The following SEMA6D variants were observed in gnomAD, a reference collection of about 807,000 sequenced individuals.
SEMA6D encodes semaphorin 6D.
In SEMA6D, 35 loss-of-function variants were observed where a neutral mutation model predicts 106.6. That is an observed-to-expected ratio of 0.33 (90% confidence interval 0.25 to 0.44). SEMA6D has a LOEUF of 0.44. Among genes scored for constraint, SEMA6D ranks in the 20% least tolerant of loss-of-function variants. The probability of loss-of-function intolerance (pLI) is 1.00; values close to 1 mark genes in which losing one functional copy is unlikely to be tolerated. For synonymous variants in SEMA6D, 499 were observed against 487.7 expected, an observed-to-expected ratio of 1.02 and a Z score of -0.31; for missense variants, 1,185 against 1,345.9, an observed-to-expected ratio of 0.88 and a Z score of 1.87.
chr15:47,331,076 C>T (rs767427339), intron 1 of SEMA6D, among the ~76,000 whole-genome samples: 4 of 152,160 alleles, frequency 2.6e-5, no homozygotes, highest in African/African-American at 7.2e-5. Flanking sequence ...GATTCTGTCA[C>T]GAATCTCACT....
chr15:47,764,862 C>G, intron 12 of SEMA6D, 21 bp from the exon 13 acceptor site: 1 of 1,613,646 alleles, frequency 6.2e-7, no homozygotes, highest in Non-Finnish European at 8.5e-7. Flanking sequence ...CCCTTCTGAT[C>G]TGTGCCGCCT....
intron 3 of SEMA6D, among the ~76,000 whole-genome samples, chr15:47,512,213 A>T (rs1276413550): frequency 1.8e-4 from 27 of 152,192 alleles, no homozygotes; most frequent in Non-Finnish European, 1.5e-5. Context: ...ACAACTCTAG[A>T]GGGTGCTATT....
chr15:47,270,984 T>C (rs2034534917), intron 1 of SEMA6D, among the ~76,000 whole-genome samples: 1 of 152,104 alleles, frequency 6.6e-6, no homozygotes, highest in African/African-American at 2.4e-5. Context: ...GTTACAGACA[T>C]CTAATACCTC....
Position 47,229,580 on chromosome 15 carries a change from CTA to C in SEMA6D, c.-239+45165_-239+45166del, listed in dbSNP as rs1304803391. ...TTGTCTGCTGTCATTTGTCCAGACT[CTA>C]TACTTTATATGCATACTGTTCACTT... is the stretch of plus-strand genomic sequence containing the variant. On this transcript the variant is annotated intron_variant, in intron 1 of 19. Transcript: ENST00000558014. Among the ~76,000 whole-genome samples the C allele has an allele frequency of 6.3e-4, 94 of 150,262 alleles. 1 individual carries two copies. Among genetic ancestry groups the C allele is most frequent in the Non-Finnish European group, 6.0e-5 (4 of 66,748 alleles).
At chr15:47,691,955 G>A (rs1449070572) in intron 4 of SEMA6D, among the ~76,000 whole-genome samples, 1 of 152,094 alleles carries the variant, frequency 6.6e-6, no homozygotes, top group Non-Finnish European at 1.5e-5. Flanking sequence ...CATTCAAGAG[G>A]CAACATTTAC....
chr15:47,627,882 A>G (rs2077230057), intron 4 of SEMA6D, among the ~76,000 whole-genome samples: 1 of 152,116 alleles, frequency 6.6e-6, no homozygotes, highest in Admixed American at 6.6e-5. Flanking sequence ...CTGAGCAAAC[A>G]CACTCACCTG....
intron 1 of SEMA6D, among the ~76,000 whole-genome samples, chr15:47,242,100 A>T (rs948564708): frequency 6.6e-6 from 1 of 152,142 alleles, no homozygotes; most frequent in African/African-American, 2.4e-5. Flanking sequence ...AACATGGAAT[A>T]AAGATAATTT....
chr15:47,697,782 T>C (rs534709671), intron 4 of SEMA6D, among the ~76,000 whole-genome samples: 1 of 152,304 alleles, frequency 6.6e-6, no homozygotes, highest in East Asian at 1.9e-4. Context: ...GCGCCCCCAC[T>C]TCCCCCCGCC....
At chr15:47,707,339 A>G (rs2078931719) in intron 4 of SEMA6D, among the ~76,000 whole-genome samples, 1 of 152,212 alleles carries the variant, frequency 6.6e-6, no homozygotes, top group Non-Finnish European at 1.5e-5. Context: ...CCTCATCTAC[A>G]CCACACTAAG....
At chr15:47,448,246 G>T (rs561938133) in intron 2 of SEMA6D, among the ~76,000 whole-genome samples, 3 of 152,070 alleles carry the variant, frequency 2.0e-5, no homozygotes, top group Non-Finnish European at 2.9e-5. Flanking sequence ...CGCCTGGGCC[G>T]GGATCTTTGT....
intron 18 of SEMA6D, among the ~76,000 whole-genome samples, chr15:47,769,695 A>C (rs2082529311): frequency 6.6e-6 from 1 of 152,090 alleles, no homozygotes; most frequent in South Asian, 2.1e-4. Context: ...TCTTAAACTA[A>C]CTTTTTTTTA....
Position 47,479,907 on chromosome 15 carries a change from C to T in SEMA6D, c.-87+9362C>T, listed in dbSNP as rs1286543457. ...TTTCTGAGACAGAGTCTCACTCTGTCACCCAGGCTGGAGTGCAGTGACGTA... is the reference window on the plus strand; with the variant it reads ...TTTCTGAGACAGAGTCTCACTCTGTTACCCAGGCTGGAGTGCAGTGACGTA... On this transcript the variant is annotated intron_variant, in intron 3 of 19. Coordinates refer to the SEMA6D transcript ENST00000558014. Among the ~76,000 whole-genome samples the T allele has an allele frequency of 2.1e-5, 3 of 140,782 alleles. No homozygotes were observed. The East Asian group carries it at 6.3e-4, about 29-fold the overall frequency. The allele number at this position is 140,782 out of a possible 152,430, so 92.4% of individuals were successfully genotyped here. A position where few individuals can be genotyped will look rare whatever the true frequency, so the allele number is the denominator to read the frequency against.
At chr15:47,309,821 A>G (rs180746429) in intron 1 of SEMA6D, among the ~76,000 whole-genome samples, 7 of 152,346 alleles carry the variant, frequency 4.6e-5, no homozygotes, top group South Asian at 2.1e-4. Context: ...TTTATTGACT[A>G]CTGTACTGAA....
At chr15:47,764,550 C>T in intron 11 of SEMA6D, 88 bp from the exon 12 acceptor site, 1 of 1,549,030 alleles carries the variant, frequency 6.5e-7, no homozygotes, top group Non-Finnish European at 8.8e-7. Flanking sequence ...TTGACCTCTT[C>T]TCTGAGAATA....
intron 4 of SEMA6D, among the ~76,000 whole-genome samples, chr15:47,666,168 T>A (rs180682902): frequency 6.6e-6 from 1 of 152,336 alleles, no homozygotes; most frequent in Admixed American, 6.5e-5. Flanking sequence ...TACAAAAATG[T>A]TTTGCGTACA....
At chr15:47,529,495 C>T (rs970892708) in intron 3 of SEMA6D, among the ~76,000 whole-genome samples, 2 of 151,830 alleles carry the variant, frequency 1.3e-5, no homozygotes, top group African/African-American at 4.8e-5. Context: ...AGGGAGGCTT[C>T]CACACAGGCT....
chr15:47,690,749 G>GTTTTAA (rs1200975906), intron 4 of SEMA6D, among the ~76,000 whole-genome samples: 1 of 152,016 alleles, frequency 6.6e-6, no homozygotes, highest in African/African-American at 2.4e-5. Flanking sequence ...TTAGTTTTTA[G>GTTTTAA]TTTTTAGAAA....
intron 2 of SEMA6D, among the ~76,000 whole-genome samples, chr15:47,412,983 C>T (rs1279570114): frequency 6.6e-6 from 1 of 152,166 alleles, no homozygotes; most frequent in African/African-American, 2.4e-5. Flanking sequence ...CCTCCACACA[C>T]TGGACACTTG....
chr15:47,442,951 A>T (rs965116748), intron 2 of SEMA6D, among the ~76,000 whole-genome samples: 1 of 152,136 alleles, frequency 6.6e-6, no homozygotes, highest in Non-Finnish European at 1.5e-5. Context: ...TTAAGTGTGT[A>T]TACCAAATAG....
Sources: allele counts gnomAD v4.1 joint callset (sites outside exome capture counted in the v4.1 genomes callset), GRCh38; gene constraint gnomAD v4.1.1; transcripts MANE v1.5; gene names NCBI Gene and HGNC (gene_info 2026-07-23, HGNC 2026-07-21).